HKDC1: variants seen among roughly 807,000 people sequenced by gnomAD.
The protein encoded by HKDC1 is hexokinase domain containing 1, also known as hexokinase HKDC1.
A neutral mutation model predicts 96.6 loss-of-function variants in HKDC1; 66 were observed. That is an observed-to-expected ratio of 0.68 (90% CI 0.56 to 0.84). HKDC1 has a LOEUF of 0.84. HKDC1 is among the 40% of genes least tolerant of loss of function. HKDC1 has a pLI of 0.00. For synonymous variants in HKDC1, 466 were observed against 473.1 expected (o/e 0.98, Z 0.20); for missense variants, 1,211 against 1,208.1 (o/e 1.00, Z -0.04).
intron 16 of HKDC1, chr10:69,265,269 C>A (rs541547375): frequency 1.8e-4 from 57 of 323,530 alleles, no homozygotes; most frequent in African/African-American, 1.2e-3. Flanking sequence ...TGAGCCACAG[C>A]CTCCTCTTCT....
At chr10:69,223,261 C>T (rs932584201) in intron 1 of HKDC1, 1 of 152,174 alleles carries the variant, frequency 6.6e-6, no homozygotes, top group African/African-American at 2.4e-5. Flanking sequence ...GGAAATGTTA[C>T]TTGTAATTCC....
Position 69,265,626 on chromosome 10 carries a change from A to G in HKDC1, c.2414A>G (p.Gln805Arg). ...CTCCAGGTCAGGAGGATTCTGCAGC[A>G]GCTGGGCCTGGACAGCACGTGTGAG... is the stretch of plus-strand genomic sequence containing the variant. ...ALLQVRRILQ[Q>R]LGLDSTCEDS... is the part of the protein sequence containing the mutation. Residue 805 changes from glutamine to arginine, a missense_variant, in exon 17 of 18, where the codon CAG (glutamine) becomes CGG (arginine). Transcript: ENST00000354624. 1 of 1,613,932 alleles carries G rather than the reference A, an allele frequency of 6.2e-7. No individual in the cohort carries two copies.
rs1564724306 is a variant in HKDC1 at position 69,227,318 on chromosome 10, G to A, written c.175G>A (p.Ala59Thr). 1.9e-6 allele frequency: 3 copies of A among 1,614,198 alleles called. No individual in the cohort carries two copies. The highest frequency in any genetic ancestry group is 2.5e-6 in the Non-Finnish European group (3 of 1,180,038). The change falls in exon 2 of 18, where the codon GCT (alanine) becomes ACT (threonine). Residue 59 changes from alanine to threonine, a missense_variant. Physicochemically the swap from Ala to Thr is moderately conservative, Grantham distance 58. Transcript: ENST00000354624. ...KGLAKDTNPT[A>T]AVKMLPTFVR... ...CCTGGCAAAGGACACCAACCCCACG[G>A]CTGCAGTGAAGATGTTGCCCACCTT...
intron 2 of HKDC1, 106 bp from the exon 3 acceptor site, chr10:69,232,658 T>C: frequency 9.7e-7 from 1 of 1,032,566 alleles, no homozygotes; most frequent in South Asian, 1.5e-5. Context: ...TGATACCTAG[T>C]GGCTGTGATT....
At chr10:69,223,494 C>A (rs978811236) in intron 1 of HKDC1, among the ~76,000 whole-genome samples, 1 of 151,984 alleles carries the variant, frequency 6.6e-6, no homozygotes, top group East Asian at 1.9e-4. Context: ...AGTGGATATG[C>A]CATAATGTAG....
At chr10:69,259,341 G>C (rs1367872203) in intron 15 of HKDC1, among the ~76,000 whole-genome samples, 2 of 152,148 alleles carry the variant, frequency 1.3e-5, no homozygotes, top group African/African-American at 2.4e-5. Context: ...ACCTTTTCTG[G>C]GAGTGGGGAA....
At chr10:69,248,977 A>G in intron 10 of HKDC1, 1 of 465,584 alleles carries the variant, frequency 2.1e-6, no homozygotes, top group Non-Finnish European at 3.8e-6. Flanking sequence ...GTGTGCACTT[A>G]TGTGTGTGTA....
intron 10 of HKDC1, 125 bp downstream of exon 10, chr10:69,248,853 G>A (rs1279794465): frequency 1.6e-5 from 13 of 835,982 alleles, no homozygotes; most frequent in Non-Finnish European, 2.2e-5. Context: ...GCAAGAGTAA[G>A]AAGAAGGCTA....
chr10:69,239,741 A>G lies in HKDC1; in HGVS notation c.591+604A>G, dbSNP rs377671839. Among the ~76,000 whole-genome samples, 447 of 129,012 alleles carry G rather than the reference A, an allele frequency of 3.5e-3. 1 individual carries two copies. Among genetic ancestry groups the G allele is most frequent in the African/African-American group, 0.012 (433 of 34,852 alleles). 84.6% of individuals were successfully genotyped at this position (129,012 alleles called of 152,430 possible). On this transcript the variant is annotated intron_variant, in intron 5 of 17. Transcript: ENST00000354624. ...GGGATCTTATTGTTTTATAGCCTGC[A>G]TTTTCCCTTATTGTTTTCATTTTAC... is the stretch of plus-strand genomic sequence containing the variant.
rs541064431 is a variant in HKDC1, at chr10:69,220,592, A to C, written c.63+94A>C. On this transcript the variant is annotated intron_variant, in intron 1 of 17. Transcript: ENST00000354624. ...AAAAAAATCAGAAGGGAGTGAAGAG[A>C]GCTTATTAGAAAAGATACTGGGAGC... The C allele has an allele frequency of 9.4e-6, 8 of 855,278 alleles. No individual in the cohort carries two copies. The South Asian group carries it at 1.6e-4, about 17-fold the overall frequency. The allele number at this position is 855,278 out of a possible 1,614,324, so 53.0% of individuals were successfully genotyped here. A position where few individuals can be genotyped will look rare whatever the true frequency, so the allele number is the denominator to read the frequency against.
chr10:69,265,319 A>G, intron 16 of HKDC1: 2 of 440,476 alleles, frequency 4.5e-6, no homozygotes, highest in South Asian at 5.6e-5. Context: ...TGCAGCTCAT[A>G]TGGCTTCTAG....
intron 1 of HKDC1, chr10:69,223,262 T>C (rs1843095887): frequency 6.6e-6 from 1 of 152,210 alleles, no homozygotes; most frequent in South Asian, 2.1e-4. Flanking sequence ...GAAATGTTAC[T>C]TGTAATTCCA....
chr10:69,251,095 T>C (rs923815717), intron 12 of HKDC1, among the ~76,000 whole-genome samples: 1 of 146,518 alleles, frequency 6.8e-6, no homozygotes, highest in South Asian at 2.2e-4. Flanking sequence ...TTCTTTTTTT[T>C]TTTTTTTTTT....
chr10:69,246,039 C>A, intron 7 of HKDC1, 40 bp from the exon 8 acceptor site: 1 of 1,604,362 alleles, frequency 6.2e-7, no homozygotes, highest in South Asian at 1.1e-5. Flanking sequence ...GCAGCTTAAT[C>A]AAAGGGGCTG....
At chr10:69,261,502 A>G (rs1270937025) in intron 16 of HKDC1, 1 of 515,742 alleles carries the variant, frequency 1.9e-6, no homozygotes, top group Admixed American at 3.1e-5. Flanking sequence ...TCATCTATAA[A>G]GTCCTGCTGT....
intron 1 of HKDC1, among the ~76,000 whole-genome samples, chr10:69,221,789 C>T (rs563959542): frequency 1.6e-4 from 24 of 151,492 alleles, no homozygotes; most frequent in Non-Finnish European, 2.2e-4. Flanking sequence ...AAAAATTAGC[C>T]GGTCATGGTG....
At chr10:69,250,459 G>T (rs1445256237) in intron 11 of HKDC1, 24 bp downstream of exon 11, 2 of 1,611,908 alleles carry the variant, frequency 1.2e-6, no homozygotes, top group Non-Finnish European at 1.7e-6. Flanking sequence ...AAGGCCTTTG[G>T]GCTCCGAGGT....
intron 1 of HKDC1, among the ~76,000 whole-genome samples, chr10:69,225,536 T>C (rs1326055265): frequency 6.6e-6 from 1 of 152,226 alleles, no homozygotes; most frequent in Admixed American, 6.5e-5. Context: ...GGTCTTTCTC[T>C]GGCCCCCGAG....
chr10:69,226,777 T>A (rs1195492120), intron 1 of HKDC1, among the ~76,000 whole-genome samples: 1 of 152,168 alleles, frequency 6.6e-6, no homozygotes, highest in African/African-American at 2.4e-5. Context: ...ATATCTGTGG[T>A]CATCATTGGA....
Sources: gnomAD v4.1 joint callset for allele counts (sites outside exome capture counted in the v4.1 genomes callset) on GRCh38, gnomAD v4.1.1 for gene constraint, MANE v1.5 for transcripts, NCBI Gene and HGNC (gene_info 2026-07-23, HGNC 2026-07-21) for gene names.